The following XKR6 variants were observed in gnomAD, a reference collection of about 807,000 sequenced individuals.
XKR6 encodes the protein XK related 6, also known as XK-related protein 6.
XKR6 carries 22 observed loss-of-function variants against 56.7 expected under a neutral mutation model. That is an observed-to-expected ratio of 0.39 (90% CI 0.28 to 0.55). The LOEUF (loss-of-function observed/expected upper bound fraction) is 0.55, where lower values mean the gene tolerates loss of function less well. Among genes scored for constraint, XKR6 ranks in the 20% least tolerant of loss-of-function variants. The pLI is 0.66. For synonymous variants in XKR6, 524 were observed against 387.8 expected, an observed-to-expected ratio of 1.35 and a Z score of -4.13; for missense variants, 852 against 889.0, an observed-to-expected ratio of 0.96 and a Z score of 0.53.
chr8:10,928,879 C>T (rs1800977855), intron 1 of XKR6, among the ~76,000 whole-genome samples: 1 of 152,200 alleles, frequency 6.6e-6, no homozygotes. Context: ...CCCGGACTTG[C>T]TCCCAAAGTC....
intron 1 of XKR6, among the ~76,000 whole-genome samples, chr8:11,050,261 C>T (rs975542853): frequency 1.3e-5 from 2 of 152,120 alleles, no homozygotes; most frequent in African/African-American, 4.8e-5. Flanking sequence ...AAGAATATGG[C>T]CAACATCAGC....
intron 1 of XKR6, among the ~76,000 whole-genome samples, chr8:11,147,847 G>C (rs1346874491): frequency 1.3e-5 from 2 of 152,128 alleles, no homozygotes; most frequent in Non-Finnish European, 2.9e-5. Flanking sequence ...AAAATTCATA[G>C]GAAGGCCTAA....
intron 1 of XKR6, among the ~76,000 whole-genome samples, chr8:11,035,581 GC>G (rs1385999287): frequency 1.3e-5 from 2 of 152,334 alleles, no homozygotes; most frequent in East Asian, 3.9e-4. Context: ...CAAGAACCCA[GC>G]TGCATCTCGA....
chr8:11,016,637 C>A (rs1415550234), intron 1 of XKR6, among the ~76,000 whole-genome samples: 1 of 152,168 alleles, frequency 6.6e-6, no homozygotes, highest in African/African-American at 2.4e-5. Context: ...TCCAAGGCCC[C>A]GCCTCCTCGT....
chr8:11,172,024 G>T (rs116258610), intron 1 of XKR6, among the ~76,000 whole-genome samples: 3,995 of 149,994 alleles, frequency 0.027, 181 homozygotes, highest in African/African-American at 0.094. Flanking sequence ...TTGCACTCCA[G>T]ATTGGGTGAC....
At position 10,914,074 on chromosome 8, in the gene XKR6, C is replaced by T. The variant is rs145909615; in HGVS notation, c.961+10560G>A. On this transcript the variant is annotated intron_variant, in intron 2 of 2. Transcript: ENST00000416569. ...TCCAGACCCCTGGAACTCCTCTTGG[C>T]GTTCTGACCAACCTAACACCTCAGA... is the stretch of plus-strand genomic sequence containing the variant. Among the ~76,000 whole-genome samples, 68 of 152,274 alleles carry T rather than the reference C, an allele frequency of 4.5e-4. 1 individual carries two copies. Among genetic ancestry groups the T allele is most frequent in the African/African-American group, 1.5e-3 (61 of 41,536 alleles).
At chr8:10,995,693 CAAAAAAA>C (rs33957321) in intron 1 of XKR6, among the ~76,000 whole-genome samples, 2 of 114,980 alleles carry the variant, frequency 1.7e-5, no homozygotes, top group African/African-American at 6.0e-5. Flanking sequence ...ATCTCCCCAC[CAAAAAAA>C]AAAAAAAAAA....
At chr8:11,190,040 C>A (rs952057252) in intron 1 of XKR6, among the ~76,000 whole-genome samples, 1 of 151,948 alleles carries the variant, frequency 6.6e-6, no homozygotes, top group African/African-American at 2.4e-5. Flanking sequence ...GCCTGTAATC[C>A]CAGCTACGTG....
intron 1 of XKR6, chr8:11,195,075 A>G: frequency 1.4e-6 from 1 of 698,286 alleles, no homozygotes; most frequent in Non-Finnish European, 2.6e-6. Flanking sequence ...TCTCTGTCTC[A>G]ATTTAACCCA....
intron 1 of XKR6, among the ~76,000 whole-genome samples, chr8:10,984,527 A>C (rs1009969869): frequency 5.9e-5 from 9 of 151,962 alleles, no homozygotes; most frequent in African/African-American, 2.2e-4. Flanking sequence ...AAGAGGTAAA[A>C]TTATCATTGT....
In XKR6 at chr8:11,074,622, T is replaced by C. The variant is rs139079875; in HGVS notation, c.764+125954A>G. 8.8e-3 allele frequency among the ~76,000 whole-genome samples: 1,338 copies of C among 152,300 alleles called. 14 individuals carry two copies. The highest frequency in any genetic ancestry group is 0.027 in the African/African-American group (1,133 of 41,568). On this transcript the variant is annotated intron_variant, in intron 1 of 2. Coordinates refer to ENST00000416569, the MANE Select transcript of XKR6 (RefSeq NM_173683.4). ...ACAAACATTCTCTGAGCACTTGGTA[T>C]GTACCAGAGCAAACCCAGGCACTGG...
chr8:11,126,760 G>A (rs368416076), intron 1 of XKR6, among the ~76,000 whole-genome samples: 4 of 152,080 alleles, frequency 2.6e-5, no homozygotes, highest in Non-Finnish European at 5.9e-5. Context: ...ATGCCAACTC[G>A]ACAATGTTAA....
rs559060348 is a variant in XKR6, at chr8:11,179,276, C to T, written c.764+21300G>A. Among the ~76,000 whole-genome samples, 10 of 152,284 alleles carry T rather than the reference C, an allele frequency of 6.6e-5. 1 individual carries two copies. In the South Asian group the frequency reaches 1.0e-3, roughly 16 times the overall value. On this transcript the variant is annotated intron_variant, in intron 1 of 2. Transcript: ENST00000416569. The stretch of plus-strand genomic sequence containing the variant: ...CTGCAAGGTGGACAGCTGTCACACA[C>T]GTAGATTCCTTTAGGTAACTGTTAA...
chr8:10,908,355 C>T (rs377590520), intron 2 of XKR6, among the ~76,000 whole-genome samples: 5 of 150,612 alleles, frequency 3.3e-5, no homozygotes, highest in Admixed American at 1.3e-4. Context: ...TTAGAAGGGC[C>T]GGCAGGGCTG....
At chr8:10,944,352 C>T (rs910569413) in intron 1 of XKR6, among the ~76,000 whole-genome samples, 10 of 152,178 alleles carry the variant, frequency 6.6e-5, no homozygotes, top group East Asian at 3.9e-4. Flanking sequence ...GAACCCACAA[C>T]GAGACAGGTT....
At chr8:11,127,166 C>T (rs552522010) in intron 1 of XKR6, among the ~76,000 whole-genome samples, 3 of 152,172 alleles carry the variant, frequency 2.0e-5, no homozygotes, top group South Asian at 4.1e-4. Context: ...CACTTCTTAA[C>T]GAGATGTACT....
intron 1 of XKR6, among the ~76,000 whole-genome samples, chr8:11,178,363 A>G (rs185552344): frequency 6.6e-6 from 1 of 151,890 alleles, no homozygotes. Context: ...GAATTATCTC[A>G]TGAGTCTTAT....
intron 1 of XKR6, among the ~76,000 whole-genome samples, chr8:11,080,407 A>G (rs1797677026): frequency 6.6e-6 from 1 of 152,264 alleles, no homozygotes; most frequent in Non-Finnish European, 1.5e-5. Context: ...GTACATGTCA[A>G]AAGAGATATC....
In XKR6 at chr8:10,912,829, T is replaced by C. The variant is rs527897374; in HGVS notation, c.961+11805A>G. On this transcript the variant is annotated intron_variant, in intron 2 of 2. Coordinates refer to ENST00000416569, the MANE Select transcript of XKR6 (RefSeq NM_173683.4). ...AGAGAGGCGAGTATATATACATATA[T>C]ATATATAGAGAGAGAAAGAGATAGG... is the stretch of plus-strand genomic sequence containing the variant. Among the ~76,000 whole-genome samples the C allele has an allele frequency of 1.9e-4, 28 of 145,482 alleles. No homozygotes were observed. The South Asian group carries it at 6.2e-3, about 32-fold the overall frequency.
Sources: gnomAD v4.1 joint callset for allele counts (sites outside exome capture counted in the v4.1 genomes callset) on GRCh38, gnomAD v4.1.1 for gene constraint, MANE v1.5 for transcripts, NCBI Gene and HGNC (gene_info 2026-07-23, HGNC 2026-07-21) for gene names.